Variants in CACHD1 observed in about 807,000 individuals in gnomAD.
CACHD1 encodes VWFA and cache domain-containing protein 1.
CACHD1 carries 71 observed loss-of-function variants against 138.7 expected under a neutral mutation model. The ratio of observed to expected loss-of-function variants is 0.51; its 90% CI spans 0.42 to 0.62. CACHD1 has a LOEUF of 0.62. Ranked by LOEUF, CACHD1 falls within the 20% of genes least tolerant of loss-of-function variation. The probability of loss-of-function intolerance (pLI) is 0.00; values close to 1 mark genes in which losing one functional copy is unlikely to be tolerated. For missense variants in CACHD1, 1,389 were observed against 1,625.3 expected, an observed-to-expected ratio of 0.85 and a Z score of 2.50; for synonymous variants, 578 against 591.5, an observed-to-expected ratio of 0.98 and a Z score of 0.33.
chr1:64,614,431 C>T (rs138053570), intron 4 of CACHD1, among the ~76,000 whole-genome samples: 26 of 151,896 alleles, frequency 1.7e-4, no homozygotes, highest in Non-Finnish European at 2.9e-5. Flanking sequence ...TGGATGGACA[C>T]CTGCCTATGG....
intron 3 of CACHD1, among the ~76,000 whole-genome samples, chr1:64,585,131 CA>C (rs751949676): frequency 2.5e-4 from 38 of 152,196 alleles, no homozygotes; most frequent in Middle Eastern, 3.4e-3. Flanking sequence ...GTATCACATC[CA>C]TATATATGAG....
intron 19 of CACHD1, among the ~76,000 whole-genome samples, chr1:64,675,084 A>G (rs1649940564): frequency 6.6e-6 from 1 of 152,126 alleles, no homozygotes; most frequent in Non-Finnish European, 1.5e-5. Context: ...TGAAGTATTC[A>G]TTTTCCTGGT....
At chr1:64,589,739 A>G (rs1647083112) in intron 3 of CACHD1, among the ~76,000 whole-genome samples, 1 of 152,156 alleles carries the variant, frequency 6.6e-6, no homozygotes, top group Admixed American at 6.5e-5. Context: ...CTCATCACCT[A>G]TTATTTAAAT....
At chr1:64,516,041 A>G (rs1482591008) in intron 1 of CACHD1, among the ~76,000 whole-genome samples, 2 of 152,178 alleles carry the variant, frequency 1.3e-5, no homozygotes, top group East Asian at 1.9e-4. Context: ...ATAGGTTGCA[A>G]ATATCTGAAA....
At chr1:64,636,269 G>A (rs1216106859) in intron 7 of CACHD1, among the ~76,000 whole-genome samples, 1 of 152,138 alleles carries the variant, frequency 6.6e-6, no homozygotes, top group African/African-American at 2.4e-5. Flanking sequence ...GCACATAATG[G>A]ATCCTCAAAA....
chr1:64,495,950 T>C (rs1646304209), intron 1 of CACHD1, among the ~76,000 whole-genome samples: 1 of 152,194 alleles, frequency 6.6e-6, no homozygotes, highest in South Asian at 2.1e-4. Context: ...GGCTGGGACC[T>C]TGGTAGCTAT....
intron 25 of CACHD1, among the ~76,000 whole-genome samples, chr1:64,681,539 G>GTGGTTTTTTTTTT (rs1463179698): frequency 1.6e-5 from 1 of 63,156 alleles, no homozygotes; most frequent in East Asian, 8.0e-4. Context: ...AGATTTTATT[G>GTGGTTTTTTTTTT]TGTTTTTTTT....
chr1:64,681,162 G>A (rs1478998999), intron 24 of CACHD1, 96 bp from the exon 25 acceptor site: 1 of 835,548 alleles, frequency 1.2e-6, no homozygotes. Flanking sequence ...ATGGAATGCT[G>A]TCACCCAGCC....
chr1:64,513,992 A>C (rs890850491), intron 1 of CACHD1, among the ~76,000 whole-genome samples: 1 of 152,202 alleles, frequency 6.6e-6, no homozygotes, highest in African/African-American at 2.4e-5. Context: ...TGTTCCAGAT[A>C]ATCTTTTTAG....
At chr1:64,488,970 G>A (rs1366973808) in intron 1 of CACHD1, among the ~76,000 whole-genome samples, 1 of 152,174 alleles carries the variant, frequency 6.6e-6, no homozygotes. Context: ...TAAGCAAGCT[G>A]GGAACAGCAG....
chr1:64,664,674 A>G lies in CACHD1; in HGVS notation c.2271A>G (p.Arg757=). Residue 757 remains arginine (R), a synonymous_variant, in exon 15 of 27, where the codon AGA becomes AGG. Coordinates refer to ENST00000651257, the MANE Select transcript of CACHD1 (RefSeq NM_020925.4). ...LMDKAFDPTR[R]QWYLHAVANP... is the part of the protein sequence containing the mutation. ...ACAAAGCATTTGATCCCACTAGGAG[A>G]CAATGGTGAGTTTTAGGGGCTTCCG... 1 of 1,613,742 alleles carries G rather than the reference A, an allele frequency of 6.2e-7. No homozygotes were observed. The highest frequency in any genetic ancestry group is 2.2e-5 in the East Asian group (1 of 44,872).
intron 3 of CACHD1, among the ~76,000 whole-genome samples, chr1:64,595,712 G>A (rs1413044476): frequency 6.6e-6 from 1 of 152,214 alleles, no homozygotes; most frequent in Non-Finnish European, 1.5e-5. Context: ...ATGAGAAAGT[G>A]AATTGAATGA....
At chr1:64,508,659 C>T (rs1010985271) in intron 1 of CACHD1, among the ~76,000 whole-genome samples, 2 of 152,138 alleles carry the variant, frequency 1.3e-5, no homozygotes, top group Non-Finnish European at 2.9e-5. Flanking sequence ...AGATATATTC[C>T]TCTCAAGTCC....
rs12062119 is a variant in CACHD1 at position 64,629,521 on chromosome 1, A to G, written c.644+40A>G. 2.2e-3 allele frequency: 3,499 copies of G among 1,596,878 alleles called. 68 individuals carry two copies. The African/African-American group carries it at 0.042, about 19-fold the overall frequency. ...ATGCTAAAGTTTTTAATTATTGCTTAAGAGTGATCTACATGAAATATAAAA... is the reference window on the plus strand; with the variant it reads ...ATGCTAAAGTTTTTAATTATTGCTTGAGAGTGATCTACATGAAATATAAAA... On this transcript the variant is annotated intron_variant, in intron 5 of 26. Coordinates refer to ENST00000651257, the MANE Select transcript of CACHD1 (RefSeq NM_020925.4).
chr1:64,673,505 C>T, intron 19 of CACHD1, 41 bp downstream of exon 19: 2 of 1,432,764 alleles, frequency 1.4e-6, no homozygotes, highest in Non-Finnish European at 2.0e-6. Context: ...TTTTTCCATC[C>T]CATTATGGAA....
At chr1:64,623,101 T>A (rs1031347810) in intron 4 of CACHD1, among the ~76,000 whole-genome samples, 3 of 152,190 alleles carry the variant, frequency 2.0e-5, no homozygotes, top group Non-Finnish European at 4.4e-5. Context: ...TTTAATTTTT[T>A]AAATTAAATT....
At chr1:64,664,269 A>T in intron 14 of CACHD1, 1 of 561,708 alleles carries the variant, frequency 1.8e-6, no homozygotes. Context: ...TCTTAAACTC[A>T]GAAAGCCTAG....
intron 8 of CACHD1, among the ~76,000 whole-genome samples, chr1:64,646,752 A>G (rs1648918748): frequency 6.6e-6 from 1 of 152,132 alleles, no homozygotes; most frequent in African/African-American, 2.4e-5. Flanking sequence ...GGGGTGGGAG[A>G]AAGAAATTAA....
At chr1:64,568,385 GAT>G (rs565928272) in intron 2 of CACHD1, among the ~76,000 whole-genome samples, 69 of 152,130 alleles carry the variant, frequency 4.5e-4, no homozygotes, top group South Asian at 1.0e-3. Context: ...TTCCCTGGAG[GAT>G]ATAGCAACCC....
Sources: gnomAD v4.1 joint callset for allele counts (sites outside exome capture counted in the v4.1 genomes callset) on GRCh38, gnomAD v4.1.1 for gene constraint, MANE v1.5 for transcripts, NCBI Gene and HGNC (gene_info 2026-07-23, HGNC 2026-07-21) for gene names.